The following SOBP variants were observed in gnomAD, a reference collection of about 807,000 sequenced individuals.
SOBP encodes the protein sine oculis-binding protein homolog.
A neutral mutation model predicts 53.6 loss-of-function variants in SOBP; 4 were observed. The ratio of observed to expected loss-of-function variants is 0.07; its 90% confidence interval spans 0.04 to 0.17. The LOEUF (loss-of-function observed/expected upper bound fraction) is 0.17. Ranked by LOEUF, SOBP falls within the 10% of genes least tolerant of loss-of-function variation. The probability of loss-of-function intolerance (pLI) is 1.00; values close to 1 mark genes in which losing one functional copy is unlikely to be tolerated. For missense variants in SOBP, 1,088 were observed against 1,204.7 expected (o/e 0.90, Z 1.43); for synonymous variants, 584 against 522.6 (o/e 1.12, Z -1.60).
chr6:107,556,965 A>G (rs991135152), intron 4 of SOBP, among the ~76,000 whole-genome samples: 1 of 152,246 alleles, frequency 6.6e-6, no homozygotes, highest in Non-Finnish European at 1.5e-5. Flanking sequence ...TATGTCATTA[A>G]TAGCAGTAAT....
In SOBP at chr6:107,582,908, A is replaced by G. The variant is rs534848393; in HGVS notation, c.574-4172A>G. Among the ~76,000 whole-genome samples the G allele has an allele frequency of 5.9e-5, 9 of 152,360 alleles. No homozygotes were observed. In the East Asian group the frequency reaches 1.7e-3, roughly 29 times the overall value. On this transcript the variant is annotated intron_variant, in intron 4 of 6. Transcript: ENST00000317357. ...ATTGTCTGCAGAGGATTTAAGAACA[A>G]TAATAAAACCAGCTAAAAGTTGGTC...
intron 5 of SOBP, among the ~76,000 whole-genome samples, chr6:107,612,028 C>A (rs548762225): frequency 2.2e-4 from 33 of 152,138 alleles, no homozygotes; most frequent in African/African-American, 8.0e-4. Flanking sequence ...TTCTTTTGAA[C>A]CTTTAAGCAG....
Position 107,506,445 on chromosome 6 carries a change from T to G in SOBP, c.421+18T>G. On this transcript the variant is annotated intron_variant, in intron 3 of 6. Transcript: ENST00000317357. Reference sequence around the variant, plus strand: ...ACCAGCAGGTAAGTCACTACTGGTGTTTTCAGTGATAACAATTCATAGAAA... The same window carrying G: ...ACCAGCAGGTAAGTCACTACTGGTGGTTTCAGTGATAACAATTCATAGAAA... 1 of 1,611,784 alleles carries G rather than the reference T, an allele frequency of 6.2e-7. No individual in the cohort carries two copies. Among genetic ancestry groups the G allele is most frequent in the Non-Finnish European group, 8.5e-7 (1 of 1,177,890 alleles).
chr6:107,567,617 C>T (rs956989286), intron 4 of SOBP, among the ~76,000 whole-genome samples: 1 of 152,176 alleles, frequency 6.6e-6, no homozygotes, highest in African/African-American at 2.4e-5. Context: ...GACTTGGCTC[C>T]TGATTGAATA....
intron 3 of SOBP, among the ~76,000 whole-genome samples, chr6:107,528,864 A>G (rs1783740644): frequency 6.6e-6 from 1 of 152,224 alleles, no homozygotes; most frequent in African/African-American, 2.4e-5. Context: ...CCTGGTCCTC[A>G]GTAAGGCTCT....
chr6:107,587,396 T>C (rs1445521361), intron 5 of SOBP, among the ~76,000 whole-genome samples: 1 of 152,208 alleles, frequency 6.6e-6, no homozygotes, highest in Non-Finnish European at 1.5e-5. Context: ...GCCCTGTCTT[T>C]ATTAGCTTGT....
chr6:107,577,946 T>C (rs1229806608), intron 4 of SOBP, among the ~76,000 whole-genome samples: 1 of 151,962 alleles, frequency 6.6e-6, no homozygotes, highest in Non-Finnish European at 1.5e-5. Context: ...TGGTGGCAGA[T>C]GCCTATAGTC....
intron 3 of SOBP, among the ~76,000 whole-genome samples, chr6:107,532,228 GTCTC>G (rs771163945): frequency 7.5e-6 from 1 of 133,436 alleles, no homozygotes; most frequent in East Asian, 2.1e-4. Context: ...GTGGCAATCA[GTCTC>G]TCTCTCTCTC....
rs759162148 is a variant in SOBP, at chr6:107,634,499, C to A, written c.1655C>A (p.Pro552His). ...CCTCACGTCAGCGACTCCAAGCCCCCCAACGGGTTCTCCAGCAACGGGGAG... is the reference window on the plus strand; with the variant it reads ...CCTCACGTCAGCGACTCCAAGCCCCACAACGGGTTCTCCAGCAACGGGGAG... ...PIPHVSDSKP[P>H]NGFSSNGENF... The change falls in exon 6 of 7, where the codon CCC becomes CAC. Residue 552 changes from proline (P) to histidine (H), a missense_variant. By Grantham distance (77) the Pro-to-His change is moderately conservative (BLOSUM62 -2). This residue lies in a region of SOBP where 665 missense variants were observed against 629.7 expected (regional missense o/e 1.06). Transcript: ENST00000317357. The surrounding 1 kb of genome is among the most constrained non-coding windows in gnomAD (Gnocchi z 4.5). 1.2e-6 allele frequency: 2 copies of A among 1,611,832 alleles called. No individual in the cohort carries two copies. Among genetic ancestry groups the A allele is most frequent in the South Asian group, 1.1e-5 (1 of 91,084 alleles).
At chr6:107,582,891 C>T (rs1346358456) in intron 4 of SOBP, among the ~76,000 whole-genome samples, 2 of 152,170 alleles carry the variant, frequency 1.3e-5, no homozygotes, top group Non-Finnish European at 2.9e-5. Flanking sequence ...GCATTGTCTG[C>T]AGAGGATTTA....
intron 5 of SOBP, among the ~76,000 whole-genome samples, chr6:107,618,065 G>T (rs997705892): frequency 1.3e-4 from 20 of 152,034 alleles, no homozygotes; most frequent in Non-Finnish European, 2.8e-4. Context: ...CTGACCTCAG[G>T]TGATGCGCCC....
chr6:107,601,781 G>A (rs1786187365), intron 5 of SOBP, among the ~76,000 whole-genome samples: 1 of 152,174 alleles, frequency 6.6e-6, no homozygotes, highest in South Asian at 2.1e-4. Flanking sequence ...TTTTATTACA[G>A]AATTTAATAC....
chr6:107,510,984 C>A (rs929692058), intron 3 of SOBP, among the ~76,000 whole-genome samples: 19 of 152,188 alleles, frequency 1.2e-4, no homozygotes, highest in African/African-American at 4.1e-4. Flanking sequence ...AATAATAATA[C>A]CTTTCATTAA....
intron 1 of SOBP, among the ~76,000 whole-genome samples, chr6:107,490,977 G>A (rs1414713981): frequency 1.3e-5 from 2 of 152,138 alleles, no homozygotes; most frequent in African/African-American, 4.8e-5. Context: ...ACGCGTTTCA[G>A]GGCGAGGGCA....
chr6:107,632,055 T>C (rs1770737300), intron 5 of SOBP, among the ~76,000 whole-genome samples: 1 of 152,246 alleles, frequency 6.6e-6, no homozygotes, highest in African/African-American at 2.4e-5. Context: ...GCCCAGCATA[T>C]GTTGTTTTTG....
chr6:107,514,001 G>T, intron 3 of SOBP: 1 of 152,598 alleles, frequency 6.6e-6, no homozygotes, highest in Admixed American at 6.5e-5. Flanking sequence ...CTTGCCTGAG[G>T]TTACACAGAT....
At chr6:107,569,453 A>AG (rs753952182) in intron 4 of SOBP, among the ~76,000 whole-genome samples, 32 of 152,294 alleles carry the variant, frequency 2.1e-4, no homozygotes, top group Non-Finnish European at 2.6e-4. Context: ...CACAGGATAA[A>AG]GGGGGGTGAA....
At chr6:107,548,542 A>T (rs567503876) in intron 4 of SOBP, among the ~76,000 whole-genome samples, 15 of 152,108 alleles carry the variant, frequency 9.9e-5, no homozygotes, top group Admixed American at 9.2e-4. Flanking sequence ...GCGCCCAGCC[A>T]ACCTATAATA....
At chr6:107,533,309 G>T in intron 3 of SOBP, 150 bp from the exon 4 acceptor site, 2 of 211,050 alleles carry the variant, frequency 9.5e-6, no homozygotes, top group East Asian at 1.2e-4. Flanking sequence ...GAGAGAGAAA[G>T]AGAGAGAGAG....
Sources: gnomAD v4.1 joint callset for allele counts (sites outside exome capture counted in the v4.1 genomes callset) on GRCh38, gnomAD v4.1.1 for gene constraint, gnomAD v4.1.1 regional missense constraint, Gnocchi (gnomAD v3.1) non-coding constraint, MANE v1.5 for transcripts, NCBI Gene and HGNC (gene_info 2026-07-23, HGNC 2026-07-21) for gene names.